The following NOS1 variants were observed in gnomAD, a reference collection of about 807,000 sequenced individuals.
NOS1 encodes NOS type I.
Under a neutral mutation model 164.5 loss-of-function variants are expected in NOS1, and 51 were observed. The observed-to-expected ratio is 0.31, with a 90% confidence interval of 0.25 to 0.39. The LOEUF (loss-of-function observed/expected upper bound fraction) is 0.39. NOS1 is among the 10% of genes least tolerant of loss of function. The pLI, the probability that NOS1 is intolerant of heterozygous loss-of-function variation, is 1.00. For synonymous variants in NOS1, 719 were observed against 745.8 expected, an observed-to-expected ratio of 0.96 and a Z score of 0.59; for missense variants, 1,362 against 1,885.6, an observed-to-expected ratio of 0.72 and a Z score of 5.14.
chr12:117,283,855 CAAAAA>C (rs61448842), intron 7 of NOS1, among the ~76,000 whole-genome samples: 5 of 63,714 alleles, frequency 7.8e-5, no homozygotes, highest in East Asian at 6.0e-4. Context: ...GACTCTGTCT[CAAAAA>C]AAAAAAAAAA....
intron 27 of NOS1, 67 bp from the exon 28 acceptor site, chr12:117,218,231 C>T: frequency 8.9e-7 from 1 of 1,120,986 alleles, no homozygotes; most frequent in East Asian, 2.3e-5. Context: ...CAGGGGCAGA[C>T]TTGCCTGACA....
In NOS1 at chr12:117,213,672, G is replaced by T. The variant is rs76688506; in HGVS notation, c.*1637C>A. 2.3e-3 allele frequency: 2,260 copies of T among 985,374 alleles called. 41 individuals carry two copies. In the African/African-American group the frequency reaches 0.036, roughly 16 times the overall value. The allele number at this position is 985,374 out of a possible 1,614,324, so 61.0% of individuals were successfully genotyped here. A position where few individuals can be genotyped will look rare whatever the true frequency, so the allele number is the denominator to read the frequency against. On this transcript the variant is annotated 3_prime_UTR_variant, in exon 29 of 29. Transcript: ENST00000317775. ...AAACTGAACAACAAGATATGCCCAC[G>T]TACAGTATATAAAAGAAATGTGGTT... is the stretch of plus-strand genomic sequence containing the variant.
intron 5 of NOS1, among the ~76,000 whole-genome samples, chr12:117,287,151 G>T (rs1041942840): frequency 6.6e-6 from 1 of 152,008 alleles, no homozygotes; most frequent in East Asian, 1.9e-4. Context: ...GAGGCAGAGG[G>T]TGCAGTGAGC....
intron 2 of NOS1, among the ~76,000 whole-genome samples, chr12:117,314,367 A>G (rs1011173028): frequency 6.6e-6 from 1 of 152,190 alleles, no homozygotes; most frequent in African/African-American, 2.4e-5. Context: ...CCTATATCAC[A>G]TGACCATAAA....
At chr12:117,250,751 G>A (rs1566039630) in intron 17 of NOS1, among the ~76,000 whole-genome samples, 4 of 152,192 alleles carry the variant, frequency 2.6e-5, no homozygotes, top group African/African-American at 9.7e-5. Flanking sequence ...AGGGGTGACA[G>A]GAAAGGGAAA....
intron 2 of NOS1, among the ~76,000 whole-genome samples, chr12:117,328,362 G>A (rs750880527): frequency 1.1e-4 from 16 of 151,984 alleles, no homozygotes; most frequent in Non-Finnish European, 2.1e-4. Flanking sequence ...TGGAGATGGG[G>A]TTTCACCATG....
At chr12:117,269,666 C>A (rs889680378) in intron 10 of NOS1, among the ~76,000 whole-genome samples, 1 of 151,952 alleles carries the variant, frequency 6.6e-6, no homozygotes, top group Non-Finnish European at 1.5e-5. Flanking sequence ...TGGGGTTTCA[C>A]CATGTTGGCC....
intron 11 of NOS1, among the ~76,000 whole-genome samples, chr12:117,265,736 A>C (rs995436756): frequency 6.6e-6 from 1 of 151,738 alleles, no homozygotes; most frequent in Non-Finnish European, 1.5e-5. Context: ...TTTCGTGTCG[A>C]TCTTGCCAAT....
At position 117,311,514 on chromosome 12, in the gene NOS1, C is replaced by T. The variant is rs201396150; in HGVS notation, c.804G>A (p.Lys268=). 25 of 1,612,562 alleles carry T rather than the reference C, an allele frequency of 1.6e-5. 1 individual carries two copies. The Admixed American group carries it at 3.7e-4, about 24-fold the overall frequency. The part of the protein sequence containing the change: ...NDRVFNDLWG[K]GNVPVVLNNP... ...TGTTGAGGACGACAGGCACATTGCC[C>T]TTCCCCCATAGGTCATTGAAGACTC... Residue 268 remains lysine, a synonymous_variant, in exon 3 of 29, where the codon AAG becomes AAA. Coordinates refer to ENST00000317775, the MANE Select transcript of NOS1 (RefSeq NM_000620.5).
At chr12:117,275,014 C>A (rs546906848) in intron 9 of NOS1, among the ~76,000 whole-genome samples, 8 of 151,904 alleles carry the variant, frequency 5.3e-5, no homozygotes, top group African/African-American at 1.7e-4. Context: ...TTCAAAATAA[C>A]TTAAAGAGTG....
At chr12:117,232,479 T>A (rs1342078555) in intron 21 of NOS1, among the ~76,000 whole-genome samples, 1 of 152,206 alleles carries the variant, frequency 6.6e-6, no homozygotes, top group Non-Finnish European at 1.5e-5. Context: ...TTGCATGGTA[T>A]CAGCCTCTCA....
intron 17 of NOS1, among the ~76,000 whole-genome samples, chr12:117,249,972 T>C (rs73401890): frequency 0.032 from 4,854 of 152,256 alleles, 221 homozygotes; most frequent in African/African-American, 0.1. Context: ...TGCTGTAGAC[T>C]GTCACCTCAG....
intron 27 of NOS1, 86 bp from the exon 28 acceptor site, chr12:117,218,250 G>A: frequency 2.2e-6 from 2 of 930,198 alleles, no homozygotes; most frequent in South Asian, 2.7e-5. Flanking sequence ...CACCTGGAAT[G>A]GAATATCCCT....
In NOS1 at chr12:117,208,911, C is replaced by T. The variant is rs1566017448; in HGVS notation, c.*6398G>A. 4.6e-6 allele frequency: 3 copies of T among 647,420 alleles called. No individual in the cohort carries two copies. The highest frequency in any genetic ancestry group is 1.4e-4 in the East Asian group (1 of 7,270). The allele number at this position is 647,420 out of a possible 1,614,324, so 40.1% of individuals were successfully genotyped here. On this transcript the variant is annotated 3_prime_UTR_variant, in exon 29 of 29. Transcript: ENST00000317775. ...CTGATTTTTGTATTTTTAGTAGAGA[C>T]GAGGTTTTGCCATGTTAGCCAGGTT... is the stretch of plus-strand genomic sequence containing the variant.
chr12:117,233,368 G>C (rs1869426225), intron 21 of NOS1, among the ~76,000 whole-genome samples: 1 of 151,226 alleles, frequency 6.6e-6, no homozygotes, highest in Non-Finnish European at 1.5e-5. Flanking sequence ...GCTAATTTTT[G>C]TATTTTTTTT....
intron 16 of NOS1, among the ~76,000 whole-genome samples, chr12:117,254,903 G>T (rs1007657390): frequency 6.6e-6 from 1 of 152,086 alleles, no homozygotes; most frequent in Non-Finnish European, 1.5e-5. Flanking sequence ...ACATTTCAGG[G>T]CTCTATCAAA....
rs1333308727 is a variant in NOS1, at chr12:117,209,342, C to T, written c.*5967G>A. 1.0e-6 allele frequency: 1 copy of T among 971,964 alleles called. No homozygotes were observed. The highest frequency in any genetic ancestry group is 1.2e-6 in the Non-Finnish European group (1 of 817,904). The allele number at this position is 971,964 out of a possible 1,614,324, so 60.2% of individuals were successfully genotyped here. ...AATGCTGCTCAGCTTCCTACAGTACCCAAGACGGCCCCCACAAGAAAGAAT... is the reference window on the plus strand; with the variant it reads ...AATGCTGCTCAGCTTCCTACAGTACTCAAGACGGCCCCCACAAGAAAGAAT... On this transcript the variant is annotated 3_prime_UTR_variant, in exon 29 of 29. Transcript: ENST00000317775.
intron 8 of NOS1, 98 bp downstream of exon 8, chr12:117,280,626 CG>C: frequency 1.6e-6 from 2 of 1,234,854 alleles, no homozygotes; most frequent in Non-Finnish European, 2.3e-6. Flanking sequence ...ACCCCATCAG[CG>C]GATCTCCTGT....
chr12:117,216,957 C>T (rs1956621218), intron 28 of NOS1, among the ~76,000 whole-genome samples: 1 of 152,100 alleles, frequency 6.6e-6, no homozygotes, highest in Admixed American at 6.6e-5. Context: ...GCTGAGTCCC[C>T]ACCCAATTTA....
Sources: gnomAD v4.1 joint callset for allele counts (sites outside exome capture counted in the v4.1 genomes callset) on GRCh38, gnomAD v4.1.1 for gene constraint, MANE v1.5 for transcripts, NCBI Gene and HGNC (gene_info 2026-07-23, HGNC 2026-07-21) for gene names.